ENTHD1: variants seen among roughly 807,000 people sequenced by gnomAD.
ENTHD1 encodes the protein ENTH domain-containing protein 1.
A neutral mutation model predicts 39.1 loss-of-function variants in ENTHD1; 23 were observed. The observed-to-expected ratio is 0.59, with a 90% CI of 0.42 to 0.83. The LOEUF (loss-of-function observed/expected upper bound fraction) is 0.83, where lower values mean the gene tolerates loss of function less well. ENTHD1 is among the 40% of genes least tolerant of loss of function. ENTHD1 has a pLI of 0.00. For missense variants in ENTHD1, 624 were observed against 705.4 expected, an observed-to-expected ratio of 0.88 and a Z score of 1.31; for synonymous variants, 230 against 258.2, an observed-to-expected ratio of 0.89 and a Z score of 1.05.
intron 2 of ENTHD1, among the ~76,000 whole-genome samples, 185 bp downstream of exon 2, chr22:39,887,215 T>G (rs1313582212): frequency 3.3e-5 from 5 of 152,128 alleles, no homozygotes; most frequent in Non-Finnish European, 7.4e-5. Context: ...TAAAAAAACT[T>G]TAGAGATCGG....
intron 3 of ENTHD1, among the ~76,000 whole-genome samples, chr22:39,836,866 T>A (rs1269663696): frequency 6.6e-6 from 1 of 152,196 alleles, no homozygotes; most frequent in Non-Finnish European, 1.5e-5. Context: ...TTGCTTCCCC[T>A]TTGCCTTCCG....
At chr22:39,866,036 A>G (rs1045454509) in intron 2 of ENTHD1, among the ~76,000 whole-genome samples, 45 of 152,236 alleles carry the variant, frequency 3.0e-4, no homozygotes, top group African/African-American at 1.1e-3. Context: ...TTGGAGTATC[A>G]GGAGAAGGAC....
chr22:39,798,425 G>A (rs1313001615), intron 5 of ENTHD1, among the ~76,000 whole-genome samples: 1 of 152,144 alleles, frequency 6.6e-6, no homozygotes, highest in Non-Finnish European at 1.5e-5. Context: ...TATCTATGGT[G>A]TTGGTTGGGT....
chr22:39,765,665 T>C, intron 5 of ENTHD1, 56 bp from the exon 6 acceptor site: 1 of 1,435,876 alleles, frequency 7.0e-7, no homozygotes, highest in Non-Finnish European at 9.4e-7. Context: ...AATACTCTAT[T>C]TCAAATCTGT....
At chr22:39,756,903 T>G (rs2065189776) in intron 6 of ENTHD1, among the ~76,000 whole-genome samples, 1 of 152,158 alleles carries the variant, frequency 6.6e-6, no homozygotes, top group Non-Finnish European at 1.5e-5. Flanking sequence ...AGACTTGAAA[T>G]TAGGTAGTAG....
chr22:39,801,980 G>A (rs2065602195), intron 5 of ENTHD1, among the ~76,000 whole-genome samples: 1 of 152,062 alleles, frequency 6.6e-6, no homozygotes, highest in Non-Finnish European at 1.5e-5. Context: ...AATTATTTTA[G>A]TGCATTGATG....
chr22:39,808,918 T>C (rs1270830075), intron 5 of ENTHD1, among the ~76,000 whole-genome samples: 1 of 152,144 alleles, frequency 6.6e-6, no homozygotes, highest in Non-Finnish European at 1.5e-5. Context: ...CCCATATTTT[T>C]AAAGTAAAAA....
At chr22:39,850,623 T>C (rs2066027763) in intron 3 of ENTHD1, among the ~76,000 whole-genome samples, 1 of 152,306 alleles carries the variant, frequency 6.6e-6, no homozygotes, top group South Asian at 2.1e-4. Flanking sequence ...CTTTATAAAA[T>C]TTTATTTTTT....
chr22:39,753,648 C>T (rs1180403163), intron 6 of ENTHD1, among the ~76,000 whole-genome samples: 1 of 152,176 alleles, frequency 6.6e-6, no homozygotes, highest in Non-Finnish European at 1.5e-5. Context: ...GGAACACAGA[C>T]ACTATCTTAT....
intron 3 of ENTHD1, among the ~76,000 whole-genome samples, chr22:39,857,934 G>A (rs1244581676): frequency 6.6e-6 from 1 of 152,206 alleles, no homozygotes; most frequent in Non-Finnish European, 1.5e-5. Context: ...TCTCCATGTT[G>A]AGGGCTGCTG....
At chr22:39,778,363 G>C (rs1201297061) in intron 5 of ENTHD1, among the ~76,000 whole-genome samples, 2 of 152,078 alleles carry the variant, frequency 1.3e-5, no homozygotes, top group East Asian at 3.8e-4. Flanking sequence ...AAGAGAACTG[G>C]TATACTATGT....
At chr22:39,775,480 A>G (rs984132138) in intron 5 of ENTHD1, among the ~76,000 whole-genome samples, 3 of 152,204 alleles carry the variant, frequency 2.0e-5, no homozygotes, top group Non-Finnish European at 4.4e-5. Context: ...ATGATTAAAG[A>G]GCAGAACTAG....
chr22:39,784,065 T>A (rs930925501), intron 5 of ENTHD1, among the ~76,000 whole-genome samples: 15 of 151,570 alleles, frequency 9.9e-5, no homozygotes, highest in Non-Finnish European at 1.9e-4. Flanking sequence ...AAAAAAGATA[T>A]GATTAAAAAT....
chr22:39,811,075 T>C (rs1480684428), intron 5 of ENTHD1, among the ~76,000 whole-genome samples: 1 of 152,194 alleles, frequency 6.6e-6, no homozygotes, highest in Non-Finnish European at 1.5e-5. Flanking sequence ...AGGTGGCCAA[T>C]AAGTCCTGGG....
chr22:39,822,162 C>T (rs2065787734), intron 4 of ENTHD1, among the ~76,000 whole-genome samples: 1 of 151,762 alleles, frequency 6.6e-6, no homozygotes, highest in Non-Finnish European at 1.5e-5. Flanking sequence ...GGATCCAAAT[C>T]AAGTCTATAG....
At chr22:39,758,737 C>T (rs2065206379) in intron 6 of ENTHD1, among the ~76,000 whole-genome samples, 1 of 152,120 alleles carries the variant, frequency 6.6e-6, no homozygotes, top group African/African-American at 2.4e-5. Context: ...AAAAAGTATA[C>T]CCTTTAAAAA....
At chr22:39,806,715 A>G (rs1482951101) in intron 5 of ENTHD1, among the ~76,000 whole-genome samples, 5 of 152,108 alleles carry the variant, frequency 3.3e-5, no homozygotes, top group Non-Finnish European at 7.4e-5. Context: ...CAGAATCGGC[A>G]CCAGATCTGA....
intron 4 of ENTHD1, among the ~76,000 whole-genome samples, chr22:39,825,464 A>C (rs530044787): frequency 6.6e-6 from 1 of 152,262 alleles, no homozygotes; most frequent in South Asian, 2.1e-4. Context: ...TCATAAAATG[A>C]ATTGGGAAGT....
chr22:39,833,878 G>A (rs1273931000), intron 4 of ENTHD1, among the ~76,000 whole-genome samples: 1 of 141,862 alleles, frequency 7.0e-6, no homozygotes, highest in Admixed American at 7.3e-5. Flanking sequence ...CCACACTTAC[G>A]CATACTGTAG....
Sources: gnomAD v4.1 joint callset for allele counts (sites outside exome capture counted in the v4.1 genomes callset) on GRCh38, gnomAD v4.1.1 for gene constraint, MANE v1.5 for transcripts, NCBI Gene and HGNC (gene_info 2026-07-23, HGNC 2026-07-21) for gene names.